The following EYA3 variants were observed in gnomAD, a reference collection of about 807,000 sequenced individuals.
The protein encoded by EYA3 is EYA transcriptional coactivator and phosphatase 3.
A neutral mutation model predicts 80.0 loss-of-function variants in EYA3; 39 were observed. That is an observed-to-expected ratio of 0.49 (90% CI 0.38 to 0.64). The LOEUF (loss-of-function observed/expected upper bound fraction) is 0.64, where lower values mean the gene tolerates loss of function less well. EYA3 is among the 30% of genes least tolerant of loss of function. The pLI is 0.00. For missense variants in EYA3, 523 were observed against 676.1 expected (o/e 0.77, Z 2.51); for synonymous variants, 206 against 232.8 (o/e 0.88, Z 1.05).
rs760052017 is a variant in EYA3, at chr1:28,009,383, G to A, written c.909+1564C>T. On this transcript the variant is annotated intron_variant, in intron 10 of 17. Transcript: ENST00000373871. This position sits in a 1 kb window ranked among gnomAD's most constrained non-coding sequence, Gnocchi z 4.8. ...AACATTATGGTAGGCAGGGCATGGT[G>A]GCTCACGTCTGTAATCCCAGCACTA... Among the ~76,000 whole-genome samples, 2 of 152,126 alleles carry A rather than the reference G, an allele frequency of 1.3e-5. No individual in the cohort carries two copies. Among genetic ancestry groups the A allele is most frequent in the African/African-American group, 2.4e-5 (1 of 41,420 alleles).
chr1:27,978,234 TTTCTTTA>T, intron 17 of EYA3, 133 bp downstream of exon 17: 3 of 616,216 alleles, frequency 4.9e-6, no homozygotes, highest in Admixed American at 3.2e-5. Flanking sequence ...AGACCCTCTT[TTTCTTTA>T]AAGAAAAATG....
rs921429033 is a variant in EYA3, at chr1:28,055,766, C to T, written c.33+2228G>A. 7.9e-5 allele frequency among the ~76,000 whole-genome samples: 12 copies of T among 152,232 alleles called. No individual in the cohort carries two copies. In the South Asian group the frequency reaches 1.7e-3, roughly 21 times the overall value. Reference sequence around the variant, plus strand: ...GATTACAGGCATGAGCCACTACGTCCAGCCGATCTGAACAAAATCTTGAGG... The same window carrying T: ...GATTACAGGCATGAGCCACTACGTCTAGCCGATCTGAACAAAATCTTGAGG... On this transcript the variant is annotated intron_variant, in intron 2 of 17. Transcript: ENST00000373871.
At chr1:28,077,832 C>T (rs1645277719) in intron 1 of EYA3, among the ~76,000 whole-genome samples, 1 of 152,134 alleles carries the variant, frequency 6.6e-6, no homozygotes, top group Non-Finnish European at 1.5e-5. Context: ...AAGTTGTACC[C>T]TATGTCATCA....
chr1:28,008,438 G>C (rs1443243253), intron 10 of EYA3, among the ~76,000 whole-genome samples: 2 of 151,492 alleles, frequency 1.3e-5, no homozygotes, highest in African/African-American at 4.8e-5. Context: ...CAAAAGCACA[G>C]CAATAATAGA....
At chr1:27,998,559 GTTTATTTT>G (rs910577022) in intron 12 of EYA3, among the ~76,000 whole-genome samples, 3 of 151,972 alleles carry the variant, frequency 2.0e-5, no homozygotes, top group African/African-American at 7.2e-5. Flanking sequence ...TAGAACAGAC[GTTTATTTT>G]AAAAGAGATG....
rs1400827066 is a variant in EYA3 at position 28,009,409 on chromosome 1, TG to T, written c.909+1537del. ...GCTCACGTCTGTAATCCCAGCACTA[TG>T]GGAGGCCGAGGCAGGCGGATCACGA... On this transcript the variant is annotated intron_variant, in intron 10 of 17. Coordinates refer to ENST00000373871, the MANE Select transcript of EYA3 (RefSeq NM_001990.4). The surrounding 1 kb of genome is among the most constrained non-coding windows in gnomAD (Gnocchi z 4.8). Among the ~76,000 whole-genome samples the T allele has an allele frequency of 1.3e-5, 2 of 152,130 alleles. No individual in the cohort carries two copies. The highest frequency in any genetic ancestry group is 2.9e-5 in the Non-Finnish European group (2 of 68,010).
intron 6 of EYA3, 98 bp from the exon 7 acceptor site, chr1:28,028,024 C>A: frequency 1.5e-6 from 2 of 1,373,118 alleles, no homozygotes; most frequent in South Asian, 1.4e-5. Flanking sequence ...AAATCTAAAT[C>A]TTAAAACAAA....
At chr1:28,057,103 G>A (rs1644463257) in intron 2 of EYA3, among the ~76,000 whole-genome samples, 1 of 151,920 alleles carries the variant, frequency 6.6e-6, no homozygotes, top group African/African-American at 2.4e-5. Context: ...GAAGAATAAT[G>A]ACAAAGTAAT....
At position 28,017,129 on chromosome 1, in the gene EYA3, A is replaced by C. The variant is rs367772658; in HGVS notation, c.585+25T>G. On this transcript the variant is annotated intron_variant, in intron 8 of 17. Transcript: ENST00000373871. ...GCAAGCTGGATGAACTCTATCAAACAGGATGAACAAAGGTAGCATCATACC... is the reference window on the plus strand; with the variant it reads ...GCAAGCTGGATGAACTCTATCAAACCGGATGAACAAAGGTAGCATCATACC... The C allele has an allele frequency of 3.9e-4, 619 of 1,583,020 alleles. 1 individual carries two copies. Among genetic ancestry groups the C allele is most frequent in the African/African-American group, 1.6e-3 (120 of 74,372 alleles).
chr1:28,059,445 A>G (rs990162850), intron 1 of EYA3, among the ~76,000 whole-genome samples: 1 of 152,236 alleles, frequency 6.6e-6, no homozygotes, highest in Non-Finnish European at 1.5e-5. Context: ...CATAGGAGCT[A>G]TCTTCCCTGC....
intron 16 of EYA3, among the ~76,000 whole-genome samples, chr1:27,985,591 T>G (rs1639597906): frequency 1.3e-5 from 2 of 152,162 alleles, no homozygotes; most frequent in African/African-American, 2.4e-5. Context: ...CACTTCTTTT[T>G]TTGTTGTTGA....
At chr1:27,991,162 A>G (rs1439874952) in intron 14 of EYA3, among the ~76,000 whole-genome samples, 1 of 152,196 alleles carries the variant, frequency 6.6e-6, no homozygotes. Flanking sequence ...TGTTACAGCT[A>G]GAAGAGTCCT....
chr1:28,049,428 A>T (rs1249742658), intron 2 of EYA3, among the ~76,000 whole-genome samples: 1 of 152,232 alleles, frequency 6.6e-6, no homozygotes, highest in Non-Finnish European at 1.5e-5. Context: ...ACATTTCTAA[A>T]TTTGAAACAA....
intron 13 of EYA3, 125 bp downstream of exon 13, chr1:27,997,195 C>T: frequency 1.2e-6 from 1 of 835,138 alleles, no homozygotes. Flanking sequence ...GTTTCTATGT[C>T]CTCTAACAGG....
intron 11 of EYA3, among the ~76,000 whole-genome samples, chr1:28,001,355 A>G (rs547390075): frequency 1.1e-4 from 16 of 151,530 alleles, no homozygotes; most frequent in Middle Eastern, 3.5e-3. Context: ...AGGTGAACTT[A>G]AATGTCAAAG....
chr1:28,010,924 A>G (rs1388945147), intron 10 of EYA3, 23 bp downstream of exon 10: 19 of 1,604,584 alleles, frequency 1.2e-5, no homozygotes, highest in Non-Finnish European at 1.6e-5. Context: ...AAAGTAGGTA[A>G]CTAAATCAGT....
At chr1:28,007,344 T>C (rs1027444564) in intron 10 of EYA3, among the ~76,000 whole-genome samples, 3 of 150,830 alleles carry the variant, frequency 2.0e-5, no homozygotes, top group African/African-American at 7.3e-5. Context: ...TTTCTTTTTT[T>C]TTTTTTTTCC....
intron 1 of EYA3, among the ~76,000 whole-genome samples, chr1:28,082,847 A>G (rs940844239): frequency 2.0e-5 from 3 of 152,208 alleles, no homozygotes; most frequent in African/African-American, 7.2e-5. Flanking sequence ...ATTAACTTCC[A>G]TAAGATAATT....
chr1:28,058,157 C>G, intron 1 of EYA3, 63 bp from the exon 2 acceptor site: 1 of 615,830 alleles, frequency 1.6e-6, no homozygotes, highest in Non-Finnish European at 2.6e-6. Context: ...TTGAGGCCAT[C>G]AGAGAATGAT....
Sources: allele counts gnomAD v4.1 joint callset (sites outside exome capture counted in the v4.1 genomes callset), GRCh38; gene constraint gnomAD v4.1.1; non-coding constraint Gnocchi (gnomAD v3.1); transcripts MANE v1.5; gene names NCBI Gene and HGNC (gene_info 2026-07-23, HGNC 2026-07-21).